Variants in CNTNAP5 observed in about 807,000 individuals in gnomAD.
The protein encoded by CNTNAP5 is contactin associated protein family member 5, also known as contactin-associated protein-like 5.
Under a neutral mutation model 150.2 loss-of-function variants are expected in CNTNAP5, and 72 were observed. The observed-to-expected ratio is 0.48, with a 90% CI of 0.40 to 0.58. CNTNAP5 has a LOEUF of 0.58. CNTNAP5 is among the 20% of genes least tolerant of loss of function. The pLI is 0.00. For missense variants in CNTNAP5, 1,636 were observed against 1,626.2 expected (o/e 1.01, Z -0.10); for synonymous variants, 672 against 619.8 (o/e 1.08, Z -1.25).
At chr2:124,392,729 G>GAAAA (rs142485864) in intron 3 of CNTNAP5, among the ~76,000 whole-genome samples, 1 of 132,740 alleles carries the variant, frequency 7.5e-6, no homozygotes, top group Non-Finnish European at 1.6e-5. Context: ...AGGAGGGGAG[G>GAAAA]AAAAAAAAAA....
chr2:124,737,455 A>G (rs1302019263), intron 13 of CNTNAP5, among the ~76,000 whole-genome samples: 1 of 152,102 alleles, frequency 6.6e-6, no homozygotes, highest in Non-Finnish European at 1.5e-5. Context: ...AGCATCAAAG[A>G]GCATGTGCGA....
intron 1 of CNTNAP5, among the ~76,000 whole-genome samples, chr2:124,107,718 G>A (rs1683199297): frequency 6.6e-6 from 1 of 152,196 alleles, no homozygotes; most frequent in South Asian, 2.1e-4. Flanking sequence ...AAATATCTGA[G>A]ACAGGTCTTT....
intron 11 of CNTNAP5, among the ~76,000 whole-genome samples, chr2:124,599,160 G>T (rs1229280429): frequency 4.6e-5 from 7 of 152,116 alleles, no homozygotes; most frequent in Admixed American, 4.6e-4. Context: ...GGCCATCTTG[G>T]CTCCTCCCAC....
chr2:124,753,246 G>A (rs1300576110), intron 14 of CNTNAP5, among the ~76,000 whole-genome samples: 1 of 152,020 alleles, frequency 6.6e-6, no homozygotes, highest in South Asian at 2.1e-4. Context: ...TATTTTTATG[G>A]GATGTTATCT....
intron 2 of CNTNAP5, among the ~76,000 whole-genome samples, chr2:124,227,633 CGTGTGTATGTGTGT>C (rs1008643633): frequency 5.7e-5 from 7 of 122,100 alleles, no homozygotes; most frequent in South Asian, 3.0e-4. Flanking sequence ...CTCAGCACAT[CGTGTGTATGTGTGT>C]GTGTGTGTGT....
At chr2:124,519,107 T>G (rs1223968446) in intron 8 of CNTNAP5, among the ~76,000 whole-genome samples, 1 of 151,968 alleles carries the variant, frequency 6.6e-6, no homozygotes, top group Admixed American at 6.6e-5. Flanking sequence ...TGTATGATTT[T>G]ATTTATATAA....
rs544074321 is a variant in CNTNAP5 at position 124,420,060 on chromosome 2, A to G, written c.529+2470A>G. Among the ~76,000 whole-genome samples the G allele has an allele frequency of 1.1e-3, 143 of 135,936 alleles. 2 individuals are homozygous for G. The highest frequency in any genetic ancestry group is 3.8e-3 in the African/African-American group (134 of 35,460). 89.2% of individuals were successfully genotyped at this position (135,936 alleles called of 152,430 possible). On this transcript the variant is annotated intron_variant, in intron 4 of 23. Transcript: ENST00000682447. ...AGGCTGGAGTGCATGGCATGATCTC[A>G]GCTCACTGCAACCTCCGCCTCCTGA...
chr2:124,377,466 G>A (rs1186933106), intron 3 of CNTNAP5, among the ~76,000 whole-genome samples: 1 of 152,026 alleles, frequency 6.6e-6, no homozygotes, highest in African/African-American at 2.4e-5. Context: ...CTGAGGTCAG[G>A]AGTTCGAGAC....
chr2:124,145,851 A>G (rs1189324512), intron 1 of CNTNAP5, among the ~76,000 whole-genome samples: 2 of 146,668 alleles, frequency 1.4e-5, no homozygotes, highest in Non-Finnish European at 1.5e-5. Context: ...AAAAAATAAA[A>G]TATATTTAAT....
chr2:124,602,338 C>CAAAAAAAA (rs35316532), intron 11 of CNTNAP5, among the ~76,000 whole-genome samples: 4 of 89,768 alleles, frequency 4.5e-5, no homozygotes, highest in African/African-American at 8.9e-5. Flanking sequence ...AAGACTTCAC[C>CAAAAAAAA]AAAAAAAAAA....
At chr2:124,773,856 G>A (rs1054332865) in intron 17 of CNTNAP5, among the ~76,000 whole-genome samples, 2 of 149,004 alleles carry the variant, frequency 1.3e-5, no homozygotes, top group East Asian at 2.0e-4. Flanking sequence ...ATTTATGTTG[G>A]CATTTTGTTT....
chr2:124,813,510 G>GCATTCCCATTTCCAAAACTTCA (rs1682285458), intron 19 of CNTNAP5, among the ~76,000 whole-genome samples: 2 of 151,168 alleles, frequency 1.3e-5, no homozygotes, highest in South Asian at 2.1e-4. Context: ...GCCTAGCTTG[G>GCATTCCCATTTCCAAAACTTCA]GTAGATCTAT....
chr2:124,329,902 C>T (rs1425241630), intron 3 of CNTNAP5, among the ~76,000 whole-genome samples: 1 of 152,140 alleles, frequency 6.6e-6, no homozygotes. Context: ...AGAAGGCAGT[C>T]AGTTGAGAAG....
Position 124,036,170 on chromosome 2 carries a change from C to T in CNTNAP5, c.82+10438C>T, listed in dbSNP as rs984712975. On this transcript the variant is annotated intron_variant, in intron 1 of 23. Coordinates refer to ENST00000682447, the MANE Select transcript of CNTNAP5 (RefSeq NM_001367498.1). The stretch of plus-strand genomic sequence containing the variant: ...CGATCTCCTGACCTCATGATCCACC[C>T]GCCTCGGCCTCCCAAAGTGCTGGGA... 7.1e-4 allele frequency among the ~76,000 whole-genome samples: 107 copies of T among 151,084 alleles called. 1 individual carries two copies. Among genetic ancestry groups the T allele is most frequent in the Admixed American group, 7.9e-4 (12 of 15,184 alleles).
chr2:124,091,649 A>C (rs1682816573), intron 1 of CNTNAP5, among the ~76,000 whole-genome samples: 1 of 152,176 alleles, frequency 6.6e-6, no homozygotes, highest in Non-Finnish European at 1.5e-5. Flanking sequence ...AAAAGAAAGC[A>C]CAGGTGACTG....
At chr2:124,803,045 G>A (rs1405202314) in intron 19 of CNTNAP5, among the ~76,000 whole-genome samples, 6 of 151,646 alleles carry the variant, frequency 4.0e-5, no homozygotes, top group Non-Finnish European at 7.4e-5. Flanking sequence ...AACCCGGGAG[G>A]TGGAGCTTGC....
At chr2:124,357,579 C>T (rs1204975234) in intron 3 of CNTNAP5, among the ~76,000 whole-genome samples, 1 of 150,624 alleles carries the variant, frequency 6.6e-6, no homozygotes, top group Non-Finnish European at 1.5e-5. Flanking sequence ...TTCCCCATTG[C>T]TTGTTTTTCT....
At chr2:124,798,364 T>A (rs1296664663) in intron 19 of CNTNAP5, 44 bp downstream of exon 19, 1 of 1,414,022 alleles carries the variant, frequency 7.1e-7, no homozygotes, top group East Asian at 2.3e-5. Context: ...CAGCCTGGGC[T>A]GGAGGGACGG....
At chr2:124,189,043 T>G (rs1225434496) in intron 1 of CNTNAP5, among the ~76,000 whole-genome samples, 2 of 152,158 alleles carry the variant, frequency 1.3e-5, no homozygotes, top group East Asian at 1.9e-4. Context: ...CAGACTGAAA[T>G]AAATCAAAAT....
Sources: allele counts gnomAD v4.1 joint callset (sites outside exome capture counted in the v4.1 genomes callset), GRCh38; gene constraint gnomAD v4.1.1; transcripts MANE v1.5; gene names NCBI Gene and HGNC (gene_info 2026-07-23, HGNC 2026-07-21).